Variants in CDKAL1 observed in about 807,000 individuals in gnomAD.
CDKAL1 encodes CDKAL1 threonylcarbamoyladenosine tRNA methylthiotransferase.
In CDKAL1, 32 loss-of-function variants were observed where a neutral mutation model predicts 68.2. That is an observed-to-expected ratio of 0.47 (90% CI 0.35 to 0.63). The LOEUF is 0.63. Among genes scored for constraint, CDKAL1 ranks in the 30% least tolerant of loss-of-function variants. The pLI is 0.00. For synonymous variants in CDKAL1, 234 were observed against 244.3 expected, an observed-to-expected ratio of 0.96 and a Z score of 0.39; for missense variants, 606 against 696.7, an observed-to-expected ratio of 0.87 and a Z score of 1.47.
intron 15 of CDKAL1, among the ~76,000 whole-genome samples, chr6:21,220,347 G>A (rs1582441711): frequency 6.6e-6 from 1 of 152,104 alleles, no homozygotes; most frequent in Non-Finnish European, 1.5e-5. Flanking sequence ...ACTAACTTGT[G>A]TTTTCCTTAT....
At chr6:20,597,425 A>AT (rs1430675231) in intron 4 of CDKAL1, among the ~76,000 whole-genome samples, 1 of 135,228 alleles carries the variant, frequency 7.4e-6, no homozygotes, top group Non-Finnish European at 1.6e-5. Flanking sequence ...ACCATTTTTT[A>AT]TTTTTTTGAG....
chr6:20,688,491 T>C (rs1189987792), intron 5 of CDKAL1, among the ~76,000 whole-genome samples: 3 of 152,196 alleles, frequency 2.0e-5, no homozygotes, highest in Non-Finnish European at 2.9e-5. Context: ...TATTGTGATA[T>C]CTTCAAGCTC....
rs187986714 is a variant in CDKAL1 at position 20,616,976 on chromosome 6, G to A, written c.287-32317G>A. 2.7e-3 allele frequency among the ~76,000 whole-genome samples: 408 copies of A among 150,592 alleles called. 1 individual carries two copies. Among genetic ancestry groups the A allele is most frequent in the Non-Finnish European group, 4.1e-3 (281 of 67,754 alleles). On this transcript the variant is annotated intron_variant, in intron 4 of 15. Transcript: ENST00000274695. ...AATCACCTGAGTGCACGAAGTTGAG[G>A]CTGCAGTGAGCTGTGATTGCACCAC...
At chr6:20,902,545 T>C (rs1327974304) in intron 9 of CDKAL1, among the ~76,000 whole-genome samples, 1 of 152,136 alleles carries the variant, frequency 6.6e-6, no homozygotes, top group Non-Finnish European at 1.5e-5. Context: ...GAAATGCCTG[T>C]GAGATATCAA....
At chr6:21,172,186 G>A (rs1217462724) in intron 13 of CDKAL1, among the ~76,000 whole-genome samples, 2 of 152,064 alleles carry the variant, frequency 1.3e-5, no homozygotes, top group Admixed American at 6.5e-5. Context: ...CACAATCGGG[G>A]GTATCACAGA....
chr6:21,160,405 C>T (rs973117564), intron 13 of CDKAL1, among the ~76,000 whole-genome samples: 3 of 151,578 alleles, frequency 2.0e-5, no homozygotes, highest in Non-Finnish European at 2.9e-5. Flanking sequence ...TCAAGTGATT[C>T]TTCTGCTTCA....
chr6:21,091,086 C>T (rs1307505961), intron 12 of CDKAL1, among the ~76,000 whole-genome samples: 3 of 152,160 alleles, frequency 2.0e-5, no homozygotes, highest in Non-Finnish European at 4.4e-5. Flanking sequence ...CATGAGTGTA[C>T]TAACAATTCT....
intron 13 of CDKAL1, among the ~76,000 whole-genome samples, chr6:21,139,126 T>C (rs1562063781): frequency 1.3e-5 from 2 of 152,270 alleles, no homozygotes; most frequent in Non-Finnish European, 2.9e-5. Context: ...TTGATTCTCA[T>C]GTGTTAGTGA....
At chr6:20,906,054 G>T (rs748944370) in intron 9 of CDKAL1, among the ~76,000 whole-genome samples, 2 of 152,170 alleles carry the variant, frequency 1.3e-5, no homozygotes, top group African/African-American at 2.4e-5. Context: ...AATTATTAAA[G>T]CTAGTAGTAT....
intron 13 of CDKAL1, among the ~76,000 whole-genome samples, chr6:21,188,812 A>G (rs543197982): frequency 4.0e-5 from 6 of 151,626 alleles, no homozygotes; most frequent in African/African-American, 1.2e-4. Flanking sequence ...TTCTTACCAC[A>G]ATTTTTTTTT....
chr6:20,866,511 G>A (rs1405598810), intron 9 of CDKAL1, among the ~76,000 whole-genome samples: 1 of 152,034 alleles, frequency 6.6e-6, no homozygotes, highest in African/African-American at 2.4e-5. Flanking sequence ...CTTGCTTTGT[G>A]GTTTACACCA....
At chr6:20,609,604 C>T (rs887727474) in intron 4 of CDKAL1, among the ~76,000 whole-genome samples, 2 of 151,856 alleles carry the variant, frequency 1.3e-5, no homozygotes, top group Non-Finnish European at 1.5e-5. Context: ...CCATGTTGTT[C>T]AGGCTGGTCT....
At chr6:20,696,009 C>T (rs1393064922) in intron 5 of CDKAL1, among the ~76,000 whole-genome samples, 1 of 152,168 alleles carries the variant, frequency 6.6e-6, no homozygotes. Flanking sequence ...TTCCAGATTC[C>T]TTTATATCAG....
At chr6:20,922,486 C>G (rs1353217835) in intron 9 of CDKAL1, among the ~76,000 whole-genome samples, 1 of 152,048 alleles carries the variant, frequency 6.6e-6, no homozygotes, top group East Asian at 1.9e-4. Context: ...CATTGTACAT[C>G]TAGTAGGATA....
intron 13 of CDKAL1, among the ~76,000 whole-genome samples, chr6:21,185,298 T>C (rs1463294792): frequency 6.6e-6 from 1 of 151,916 alleles, no homozygotes; most frequent in Non-Finnish European, 1.5e-5. Flanking sequence ...TAGCTCAGAA[T>C]TGAAAATTGT....
chr6:20,846,374 A>G (rs543797376), intron 9 of CDKAL1, among the ~76,000 whole-genome samples, 196 bp downstream of exon 9: 17 of 152,316 alleles, frequency 1.1e-4, no homozygotes, highest in Middle Eastern at 3.4e-3. Flanking sequence ...TTCTTTTACT[A>G]CGCTTCTGTT....
At chr6:21,135,957 A>G (rs2151026771) in intron 13 of CDKAL1, among the ~76,000 whole-genome samples, 1 of 152,370 alleles carries the variant, frequency 6.6e-6, no homozygotes, top group Admixed American at 6.5e-5. Context: ...CTTCAAGTAT[A>G]TAAATACCAA....
intron 11 of CDKAL1, among the ~76,000 whole-genome samples, chr6:21,027,891 T>G (rs1484140596): frequency 8.1e-6 from 1 of 123,206 alleles, no homozygotes; most frequent in East Asian, 2.4e-4. Flanking sequence ...ACAGAATCAT[T>G]TGGGATAAGA....
At chr6:21,094,107 T>C (rs1192913100) in intron 12 of CDKAL1, among the ~76,000 whole-genome samples, 1 of 152,086 alleles carries the variant, frequency 6.6e-6, no homozygotes, top group African/African-American at 2.4e-5. Flanking sequence ...TAGGTATTAC[T>C]TGGGTAAAAT....
Sources: allele counts gnomAD v4.1 joint callset (sites outside exome capture counted in the v4.1 genomes callset), GRCh38; gene constraint gnomAD v4.1.1; transcripts MANE v1.5; gene names NCBI Gene and HGNC (gene_info 2026-07-23, HGNC 2026-07-21).